The following EIPR1 variants were observed in gnomAD, a reference collection of about 807,000 sequenced individuals.
EIPR1 encodes EARP complex and GARP complex interacting protein 1.
EIPR1 carries 25 observed loss-of-function variants against 48.1 expected under a neutral mutation model. The observed-to-expected ratio is 0.52, with a 90% CI of 0.38 to 0.73. EIPR1 has a LOEUF of 0.73. Among genes scored for constraint, EIPR1 ranks in the 30% least tolerant of loss-of-function variants. EIPR1 has a pLI of 0.00. For synonymous variants in EIPR1, 204 were observed against 201.9 expected, an observed-to-expected ratio of 1.01 and a Z score of -0.09; for missense variants, 415 against 506.2, an observed-to-expected ratio of 0.82 and a Z score of 1.73.
chr2:3,335,369 G>A (rs796862847), intron 3 of EIPR1, among the ~76,000 whole-genome samples: 27 of 152,284 alleles, frequency 1.8e-4, no homozygotes, highest in African/African-American at 6.5e-4. Context: ...CACAGAAAAA[G>A]CAGAGCTTGC....
At chr2:3,345,710 A>C (rs1338942137) in intron 2 of EIPR1, among the ~76,000 whole-genome samples, 1 of 152,110 alleles carries the variant, frequency 6.6e-6, no homozygotes, top group Non-Finnish European at 1.5e-5. Context: ...TACAATTCAC[A>C]GAAGAAAATA....
In EIPR1 at chr2:3,377,738, G is replaced by C. The variant is rs748696164; in HGVS notation, c.-49C>G. The C allele has an allele frequency of 6.5e-7, 1 of 1,549,580 alleles. No homozygotes were observed. Among genetic ancestry groups the C allele is most frequent in the South Asian group, 1.2e-5 (1 of 84,050 alleles). ...CGGCCACTCACACGCTAAGGACCTC[G>C]CTACGGCCGGCGCGTCCCCACCTCG... On this transcript the variant is annotated 5_prime_UTR_variant, in exon 1 of 9. Transcript: ENST00000382125.
At chr2:3,377,540 G>C in intron 1 of EIPR1, 108 bp downstream of exon 1, 1 of 1,373,530 alleles carries the variant, frequency 7.3e-7, no homozygotes, top group Non-Finnish European at 1.0e-6. Flanking sequence ...GAACAGACAC[G>C]GGTCCTTGCA....
At chr2:3,297,371 G>A (rs980237295) in intron 3 of EIPR1, among the ~76,000 whole-genome samples, 2 of 152,238 alleles carry the variant, frequency 1.3e-5, no homozygotes, top group Non-Finnish European at 2.9e-5. Flanking sequence ...ATCTTACACC[G>A]CTGGTGAGGC....
At chr2:3,314,031 C>T (rs146055395) in intron 3 of EIPR1, among the ~76,000 whole-genome samples, 46 of 152,306 alleles carry the variant, frequency 3.0e-4, no homozygotes, top group African/African-American at 9.6e-4. Flanking sequence ...CCCCCTCTCA[C>T]GCTAGCTCCC....
At chr2:3,200,675 G>A (rs143566034) in intron 5 of EIPR1, among the ~76,000 whole-genome samples, 3 of 152,030 alleles carry the variant, frequency 2.0e-5, no homozygotes, top group Admixed American at 6.6e-5. Context: ...GGGGGGCAGG[G>A]GCAGACACCA....
chr2:3,204,227 G>A (rs1166024806), intron 5 of EIPR1, among the ~76,000 whole-genome samples: 4 of 152,274 alleles, frequency 2.6e-5, no homozygotes, highest in African/African-American at 9.6e-5. Context: ...AGCTGCCTGT[G>A]GCCACAGCCA....
intron 3 of EIPR1, among the ~76,000 whole-genome samples, chr2:3,307,506 A>G: frequency 6.6e-6 from 1 of 152,226 alleles, no homozygotes; most frequent in East Asian, 1.9e-4. Flanking sequence ...TAGAACCAGC[A>G]GCCCCACTTC....
At chr2:3,326,535 T>G (rs1310369663) in intron 3 of EIPR1, among the ~76,000 whole-genome samples, 2 of 152,196 alleles carry the variant, frequency 1.3e-5, no homozygotes, top group Non-Finnish European at 2.9e-5. Context: ...TTTTTAATTT[T>G]TCAGTACAAC....
At chr2:3,347,577 C>T (rs1267099721) in intron 2 of EIPR1, among the ~76,000 whole-genome samples, 3 of 152,268 alleles carry the variant, frequency 2.0e-5, no homozygotes, top group South Asian at 2.1e-4. Flanking sequence ...TTTCCCGTCT[C>T]GGGTATGTCT....
In EIPR1 at chr2:3,257,471, T is replaced by C; in HGVS notation, c.260-16A>G. ...CTGTCTGAAGCTGAGCAACAGAGCA[T>C]AATGGATAATGTCAACAGAGCACGG... On this transcript the variant is annotated splice_polypyrimidine_tract_variant and intron_variant, in intron 3 of 8. Transcript: ENST00000382125. 1 of 1,613,542 alleles carries C rather than the reference T, an allele frequency of 6.2e-7. No individual in the cohort carries two copies. Among genetic ancestry groups the C allele is most frequent in the Non-Finnish European group, 8.5e-7 (1 of 1,179,586 alleles).
At chr2:3,334,705 T>C (rs1041062954) in intron 3 of EIPR1, among the ~76,000 whole-genome samples, 2 of 152,262 alleles carry the variant, frequency 1.3e-5, no homozygotes, top group African/African-American at 4.8e-5. Flanking sequence ...CAGCCTTCCC[T>C]GTGGGATGTA....
At chr2:3,353,904 A>G (rs1169713847) in intron 2 of EIPR1, among the ~76,000 whole-genome samples, 1 of 152,220 alleles carries the variant, frequency 6.6e-6, no homozygotes, top group Non-Finnish European at 1.5e-5. Context: ...GGCCTCCCGC[A>G]CATTTTCCCA....
At chr2:3,208,710 C>A in intron 5 of EIPR1, 3 of 1,550,176 alleles carry the variant, frequency 1.9e-6, no homozygotes, top group South Asian at 2.4e-5. Flanking sequence ...CTCGGCGGGT[C>A]CTTCTTCCAT....
intron 1 of EIPR1, among the ~76,000 whole-genome samples, chr2:3,361,015 A>G (rs771308941): frequency 2.0e-5 from 3 of 152,184 alleles, no homozygotes; most frequent in Non-Finnish European, 4.4e-5. Context: ...TAACTTCCCC[A>G]TTCTGTGTTA....
At chr2:3,197,652 G>T (rs1477635824) in intron 5 of EIPR1, among the ~76,000 whole-genome samples, 1 of 152,234 alleles carries the variant, frequency 6.6e-6, no homozygotes, top group Non-Finnish European at 1.5e-5. Flanking sequence ...GCTCGCCTAG[G>T]ATTTCATGCA....
chr2:3,361,070 C>A (rs1482256853), intron 1 of EIPR1, among the ~76,000 whole-genome samples: 3 of 152,158 alleles, frequency 2.0e-5, no homozygotes, highest in African/African-American at 7.2e-5. Flanking sequence ...AGAAAAAATG[C>A]AGTCAAAGAA....
In EIPR1 at chr2:3,286,954, C is replaced by A. The variant is rs1668204460; in HGVS notation, c.260-29499G>T. 6.8e-6 allele frequency among the ~76,000 whole-genome samples: 1 copy of A among 147,754 alleles called. No homozygotes were observed. Among genetic ancestry groups the A allele is most frequent in the African/African-American group, 2.5e-5 (1 of 39,602 alleles). ...GGGGCGGTGGGGAGCACACAGAGTGCCAGCCGGCAGAGGGGGCGGTGGGGA... is the reference window on the plus strand; with the variant it reads ...GGGGCGGTGGGGAGCACACAGAGTGACAGCCGGCAGAGGGGGCGGTGGGGA... On this transcript the variant is annotated intron_variant, in intron 3 of 8. Coordinates refer to ENST00000382125, the MANE Select transcript of EIPR1 (RefSeq NM_003310.5). This position sits in a 1 kb window ranked among gnomAD's most constrained non-coding sequence, Gnocchi z 4.2.
intron 4 of EIPR1, among the ~76,000 whole-genome samples, chr2:3,230,736 T>A (rs1176814039): frequency 1.3e-5 from 2 of 152,268 alleles, no homozygotes; most frequent in Non-Finnish European, 2.9e-5. Flanking sequence ...TTTCATATTA[T>A]CCTGTTTCTA....
Sources: allele counts gnomAD v4.1 joint callset (sites outside exome capture counted in the v4.1 genomes callset), GRCh38; gene constraint gnomAD v4.1.1; non-coding constraint Gnocchi (gnomAD v3.1); transcripts MANE v1.5; gene names NCBI Gene and HGNC (gene_info 2026-07-23, HGNC 2026-07-21).